Variants in PSD3 observed in about 807,000 individuals in gnomAD.
PSD3 encodes pleckstrin and Sec7 domain containing 3, also known as PH and SEC7 domain-containing protein 3.
Under a neutral mutation model 105.5 loss-of-function variants are expected in PSD3, and 49 were observed. The observed-to-expected ratio is 0.46, with a 90% CI of 0.37 to 0.59. The LOEUF is 0.59. Ranked by LOEUF, PSD3 falls within the 20% of genes least tolerant of loss-of-function variation. The probability of loss-of-function intolerance (pLI) is 0.00; values close to 1 mark genes in which losing one functional copy is unlikely to be tolerated. For synonymous variants in PSD3, 557 were observed against 457.8 expected, an observed-to-expected ratio of 1.22 and a Z score of -2.77; for missense variants, 1,561 against 1,263.8, an observed-to-expected ratio of 1.24 and a Z score of -3.57.
intron 4 of PSD3, among the ~76,000 whole-genome samples, chr8:18,835,635 G>A (rs1299776511): frequency 2.0e-5 from 3 of 152,202 alleles, no homozygotes; most frequent in African/African-American, 7.2e-5. Flanking sequence ...GAGGAAAAGA[G>A]TTATAATTTT....
At chr8:19,071,038 C>T (rs952185364) in intron 1 of PSD3, among the ~76,000 whole-genome samples, 4 of 151,654 alleles carry the variant, frequency 2.6e-5, no homozygotes, top group African/African-American at 4.8e-5. Context: ...TTTTTTTCAG[C>T]TCTCCTCTCT....
chr8:18,770,808 G>T (rs1022179444), intron 8 of PSD3, among the ~76,000 whole-genome samples: 1 of 152,202 alleles, frequency 6.6e-6, no homozygotes, highest in Non-Finnish European at 1.5e-5. Flanking sequence ...TGCCAGCAAG[G>T]GCAAAGGGTC....
intron 1 of PSD3, among the ~76,000 whole-genome samples, chr8:18,982,189 A>G (rs530679479): frequency 6.6e-6 from 1 of 152,352 alleles, no homozygotes; most frequent in East Asian, 1.9e-4. Context: ...TTGTTCATTC[A>G]TAAGAAGCTA....
rs574916269 is a variant in PSD3 at position 19,021,755 on chromosome 8, A to G, written c.324+62451T>C. The stretch of plus-strand genomic sequence containing the variant: ...CTTTGCAGGCCCAGTTATTCAGCTT[A>G]CTTGTAGGTCCTCTAAGCATAGTGT... On this transcript the variant is annotated intron_variant, in intron 1 of 1. Transcript: ENST00000521475. Among the ~76,000 whole-genome samples, 63 of 152,336 alleles carry G rather than the reference A, an allele frequency of 4.1e-4. No homozygotes were observed. In the South Asian group the frequency reaches 0.012, roughly 30 times the overall value.
chr8:18,660,247 G>C (rs1809247886), intron 9 of PSD3, among the ~76,000 whole-genome samples: 1 of 152,100 alleles, frequency 6.6e-6, no homozygotes, highest in Non-Finnish European at 1.5e-5. Flanking sequence ...GGAAATTAGA[G>C]TAATACACAC....
chr8:18,763,030 TA>T (rs1206184120), intron 9 of PSD3: 1 of 618,554 alleles, frequency 1.6e-6, no homozygotes, highest in Non-Finnish European at 2.7e-6. Flanking sequence ...CAACACCTAG[TA>T]AACACACAGC....
chr8:18,677,246 G>C (rs1461433306), intron 9 of PSD3, among the ~76,000 whole-genome samples: 1 of 152,156 alleles, frequency 6.6e-6, no homozygotes, highest in East Asian at 1.9e-4. Context: ...AACCAACCCA[G>C]TAACAAAAAC....
intron 1 of PSD3, among the ~76,000 whole-genome samples, chr8:19,009,902 C>A (rs899059161): frequency 6.6e-6 from 1 of 152,056 alleles, no homozygotes; most frequent in African/African-American, 2.4e-5. Flanking sequence ...ACAACAACAA[C>A]AGAAAAATCA....
At chr8:18,626,708 A>AATT (rs1288256731) in intron 11 of PSD3, among the ~76,000 whole-genome samples, 1 of 152,166 alleles carries the variant, frequency 6.6e-6, no homozygotes, top group Non-Finnish European at 1.5e-5. Flanking sequence ...ATTCAGAAAC[A>AATT]ATTAAGGCAT....
intron 8 of PSD3, among the ~76,000 whole-genome samples, chr8:18,794,966 C>G (rs1810044301): frequency 1.3e-5 from 2 of 152,304 alleles, no homozygotes; most frequent in South Asian, 4.2e-4. Context: ...TTTTCCACTA[C>G]TAATAAACCA....
intron 10 of PSD3, among the ~76,000 whole-genome samples, chr8:18,652,732 A>T (rs956656008): frequency 1.3e-5 from 2 of 152,018 alleles, no homozygotes; most frequent in African/African-American, 4.8e-5. Context: ...TCCTGACCTC[A>T]AGTGATCCAG....
intron 14 of PSD3, among the ~76,000 whole-genome samples, chr8:18,558,670 A>T (rs1801220920): frequency 6.6e-6 from 1 of 152,192 alleles, no homozygotes. Context: ...AAAATACAAA[A>T]ATTAGCCAGG....
At chr8:18,718,230 CT>C (rs1444489033) in intron 9 of PSD3, among the ~76,000 whole-genome samples, 3 of 152,206 alleles carry the variant, frequency 2.0e-5, no homozygotes, top group Non-Finnish European at 4.4e-5. Flanking sequence ...CCCTCACAAT[CT>C]TTTATTTTAT....
At chr8:18,883,838 G>A (rs1818282036) in intron 2 of PSD3, among the ~76,000 whole-genome samples, 1 of 152,016 alleles carries the variant, frequency 6.6e-6, no homozygotes, top group Non-Finnish European at 1.5e-5. Flanking sequence ...TATAAATTAT[G>A]GCTAACCCAG....
At chr8:18,572,216 T>C (rs573815496) in intron 14 of PSD3, among the ~76,000 whole-genome samples, 2 of 152,312 alleles carry the variant, frequency 1.3e-5, no homozygotes, top group African/African-American at 4.8e-5. Context: ...GAAAAGCTTG[T>C]TACCAAGCCA....
At chr8:18,793,256 G>T (rs1018231692) in intron 8 of PSD3, among the ~76,000 whole-genome samples, 1 of 151,242 alleles carries the variant, frequency 6.6e-6, no homozygotes, top group African/African-American at 2.4e-5. Context: ...CACCAACATG[G>T]CACACACATA....
At chr8:18,801,419 C>A (rs1386691) in intron 6 of PSD3, 37 bp from the exon 7 acceptor site, 1,156,711 of 1,288,246 alleles carry the variant, frequency 0.9, 520,198 homozygotes, top group Admixed American at 0.91. Context: ...GTGAAATTTT[C>A]GAAAATGCTA....
intron 6 of PSD3, among the ~76,000 whole-genome samples, chr8:18,804,157 A>C (rs1037332960): frequency 6.6e-6 from 1 of 152,168 alleles, no homozygotes; most frequent in Non-Finnish European, 1.5e-5. Flanking sequence ...CTAAGTTCAC[A>C]AACTACAGGT....
intron 9 of PSD3, among the ~76,000 whole-genome samples, chr8:18,663,455 C>G (rs938719286): frequency 1.3e-5 from 2 of 151,394 alleles, no homozygotes; most frequent in African/African-American, 4.8e-5. Context: ...AAAAAAAAAC[C>G]GAATAAAAAT....
Sources: gnomAD v4.1 joint callset for allele counts (sites outside exome capture counted in the v4.1 genomes callset) on GRCh38, gnomAD v4.1.1 for gene constraint, MANE v1.5 for transcripts, NCBI Gene and HGNC (gene_info 2026-07-23, HGNC 2026-07-21) for gene names.